Variants in APBB2 observed in about 807,000 individuals in gnomAD.
APBB2 encodes amyloid beta precursor protein binding family B member 2.
Under a neutral mutation model 82.5 loss-of-function variants are expected in APBB2, and 38 were observed. The ratio of observed to expected loss-of-function variants is 0.46; its 90% CI spans 0.36 to 0.60. The LOEUF (loss-of-function observed/expected upper bound fraction) is 0.60, where lower values mean the gene tolerates loss of function less well. Ranked by LOEUF, APBB2 falls within the 20% of genes least tolerant of loss-of-function variation. The pLI, the probability that APBB2 is intolerant of heterozygous loss-of-function variation, is 0.00. For synonymous variants in APBB2, 341 were observed against 368.2 expected, an observed-to-expected ratio of 0.93 and a Z score of 0.85; for missense variants, 772 against 972.3, an observed-to-expected ratio of 0.79 and a Z score of 2.74.
rs147976992 is a variant in APBB2 at position 41,146,497 on chromosome 4, A to C, written c.-416-3355T>G. 2.0e-5 allele frequency among the ~76,000 whole-genome samples: 3 copies of C among 152,306 alleles called. No individual in the cohort carries two copies. In the East Asian group the frequency reaches 5.8e-4, roughly 29 times the overall value. On this transcript the variant is annotated intron_variant, in intron 1 of 17. Transcript: ENST00000508593. ...CAAGAGAACAAGACCCCGTCTCAGA[A>C]AAAAAAGAAATAAAGAAAACAATAC...
At chr4:40,857,431 TTA>T (rs2154331914) in intron 12 of APBB2, among the ~76,000 whole-genome samples, 1 of 152,340 alleles carries the variant, frequency 6.6e-6, no homozygotes, top group East Asian at 1.9e-4. Flanking sequence ...CTGAACCTCT[TTA>T]GAAAAAGTTG....
At chr4:40,917,811 A>C (rs551212871) in intron 10 of APBB2, among the ~76,000 whole-genome samples, 2 of 152,344 alleles carry the variant, frequency 1.3e-5, no homozygotes, top group Non-Finnish European at 2.9e-5. Flanking sequence ...CTTAAGAAAA[A>C]GAGATGTTAA....
chr4:41,201,482 C>T (rs76165181), intron 1 of APBB2, among the ~76,000 whole-genome samples: 1,787 of 152,320 alleles, frequency 0.012, 19 homozygotes, highest in Non-Finnish European at 0.018. Flanking sequence ...TGATTACTTG[C>T]TCTATATAGC....
intron 1 of APBB2, among the ~76,000 whole-genome samples, chr4:41,190,811 A>G (rs1774220346): frequency 6.6e-6 from 1 of 152,238 alleles, no homozygotes; most frequent in African/African-American, 2.4e-5. Context: ...CATACAAAGT[A>G]AAACACTTTA....
At chr4:41,015,567 A>G (rs1046560523) in intron 5 of APBB2, among the ~76,000 whole-genome samples, 1 of 152,176 alleles carries the variant, frequency 6.6e-6, no homozygotes, top group African/African-American at 2.4e-5. Context: ...CTCCATCACC[A>G]AATACTTAGG....
At chr4:41,063,166 G>GC (rs1443493182) in intron 4 of APBB2, among the ~76,000 whole-genome samples, 3 of 152,168 alleles carry the variant, frequency 2.0e-5, no homozygotes, top group Non-Finnish European at 2.9e-5. Flanking sequence ...TGGATCAATG[G>GC]CAGTACATGC....
At chr4:41,016,446 G>A (rs71608058) in intron 5 of APBB2, among the ~76,000 whole-genome samples, 16,104 of 152,156 alleles carry the variant, frequency 0.11, 956 homozygotes, top group Middle Eastern at 0.17. Context: ...CAGATCACCT[G>A]AGGTCGGGAG....
chr4:41,050,171 A>G (rs940694904), intron 4 of APBB2, among the ~76,000 whole-genome samples: 1 of 152,256 alleles, frequency 6.6e-6, no homozygotes, highest in Non-Finnish European at 1.5e-5. Context: ...CTATGTAGAA[A>G]TGGAATAAAC....
intron 10 of APBB2, among the ~76,000 whole-genome samples, chr4:40,924,730 G>A (rs745522216): frequency 6.6e-5 from 10 of 152,164 alleles, no homozygotes; most frequent in Admixed American, 5.2e-4. Context: ...GAACTGCACC[G>A]CCAAACCCTC....
At chr4:41,055,666 C>T (rs764845236) in intron 4 of APBB2, among the ~76,000 whole-genome samples, 12 of 152,186 alleles carry the variant, frequency 7.9e-5, no homozygotes, top group Admixed American at 5.2e-4. Flanking sequence ...AGGCACACAG[C>T]GTGGTTAAAA....
At chr4:41,205,255 G>A (rs1051960742) in intron 1 of APBB2, among the ~76,000 whole-genome samples, 1 of 152,184 alleles carries the variant, frequency 6.6e-6, no homozygotes, top group African/African-American at 2.4e-5. Context: ...CAACTTGGGA[G>A]TGGAGCTGGT....
intron 6 of APBB2, among the ~76,000 whole-genome samples, chr4:40,992,513 T>A (rs1039326038): frequency 5.3e-5 from 8 of 152,084 alleles, no homozygotes; most frequent in Non-Finnish European, 1.0e-4. Flanking sequence ...CAGCTATAGA[T>A]TTACCTTCTG....
At chr4:41,004,768 C>T (rs1806218409) in intron 6 of APBB2, among the ~76,000 whole-genome samples, 1 of 130,896 alleles carries the variant, frequency 7.6e-6, no homozygotes, top group Non-Finnish European at 1.6e-5. Context: ...ACCTGGGAGG[C>T]GGACCTTGCA....
chr4:41,089,740 T>TAAATCTA (rs1372300727), intron 3 of APBB2, among the ~76,000 whole-genome samples: 1 of 152,178 alleles, frequency 6.6e-6, no homozygotes, highest in Non-Finnish European at 1.5e-5. Flanking sequence ...ATAATATCAG[T>TAAATCTA]CCCTCTACTC....
chr4:41,193,468 G>A (rs1227287568), intron 1 of APBB2: 1 of 531,354 alleles, frequency 1.9e-6, no homozygotes, highest in East Asian at 1.5e-4. Context: ...AGGATATGCA[G>A]AAAGAACTGA....
At chr4:40,921,367 C>T (rs918199928) in intron 10 of APBB2, among the ~76,000 whole-genome samples, 2 of 152,160 alleles carry the variant, frequency 1.3e-5, no homozygotes, top group East Asian at 1.9e-4. Flanking sequence ...CCAGTTTCTT[C>T]GTTTGTACAA....
At chr4:41,034,242 G>C (rs200109145) in intron 4 of APBB2, among the ~76,000 whole-genome samples, 1 of 84,556 alleles carries the variant, frequency 1.2e-5, no homozygotes, top group Admixed American at 1.4e-4. Context: ...TTCATTAGAT[G>C]ATAATACACC....
At chr4:40,880,067 C>A (rs541339486) in intron 12 of APBB2, 4 of 985,338 alleles carry the variant, frequency 4.1e-6, no homozygotes, top group Admixed American at 1.2e-4. Flanking sequence ...GCACTTATGA[C>A]CCTTGCATGA....
At position 40,930,438 on chromosome 4, in the gene APBB2, TGTGTGTGTGTGCGC is replaced by T. The variant is rs765213303; in HGVS notation, c.1254+4004_1254+4017del. Among the ~76,000 whole-genome samples, 102 of 41,930 alleles carry T rather than the reference TGTGTGTGTGTGCGC, an allele frequency of 2.4e-3. 2 individuals are homozygous for T. The highest frequency in any genetic ancestry group is 0.012 in the Middle Eastern group (1 of 82). 27.5% of individuals were successfully genotyped at this position (41,930 alleles called of 152,430 possible). A position where few individuals can be genotyped will look rare whatever the true frequency, so the allele number is the denominator to read the frequency against. On this transcript the variant is annotated intron_variant, in intron 10 of 17. Coordinates refer to ENST00000508593, the MANE Select transcript of APBB2 (RefSeq NM_004307.2). ...TTGGGGAAGTGTGTGTGTGTGTGTGTGTGTGTGTGTGCGCGCGCGCGCGCGCGCGTGCGCGTGCG... is the reference window on the plus strand; with the variant it reads ...TTGGGGAAGTGTGTGTGTGTGTGTGTGCGCGCGCGCGCGCGTGCGCGTGCG...
Sources: allele counts gnomAD v4.1 joint callset (sites outside exome capture counted in the v4.1 genomes callset), GRCh38; gene constraint gnomAD v4.1.1; transcripts MANE v1.5; gene names NCBI Gene and HGNC (gene_info 2026-07-23, HGNC 2026-07-21).